VSNL1: variants seen among roughly 807,000 people sequenced by gnomAD.
VSNL1 encodes visinin like 1.
VSNL1 carries 6 observed loss-of-function variants against 20.4 expected under a neutral mutation model. The observed-to-expected ratio is 0.29, with a 90% CI of 0.16 to 0.58. The LOEUF is 0.58. VSNL1 is among the 20% of genes least tolerant of loss of function. The pLI is 0.90. For missense variants in VSNL1, 100 were observed against 234.5 expected, an observed-to-expected ratio of 0.43 and a Z score of 3.75; for synonymous variants, 93 against 86.4, an observed-to-expected ratio of 1.08 and a Z score of -0.42.
intron 2 of VSNL1, among the ~76,000 whole-genome samples, chr2:17,623,753 A>T (rs1463952431): frequency 6.6e-6 from 1 of 152,164 alleles, no homozygotes; most frequent in African/African-American, 2.4e-5. Flanking sequence ...TCATAGACTA[A>T]AGGCTGCTGG....
intron 2 of VSNL1, among the ~76,000 whole-genome samples, chr2:17,592,640 CTTTTTTTTTTTTT>C (rs55756596): frequency 0.018 from 1,256 of 70,854 alleles, 73 homozygotes; most frequent in African/African-American, 0.058. Flanking sequence ...CTCTCTCTCT[CTTTTTTTTTTTTT>C]TTTTTTTTTT....
rs1553299524 is a variant in VSNL1, at chr2:17,567,377, T to TA, written c.-5-24692dup. The TA allele has an allele frequency of 1.4e-4, 20 of 147,484 alleles. 1 individual carries two copies. The highest frequency in any genetic ancestry group is 4.8e-4 in the African/African-American group (19 of 39,718). 9.1% of individuals were successfully genotyped at this position (147,484 alleles called of 1,614,324 possible). A position where few individuals can be genotyped will look rare whatever the true frequency, so the allele number is the denominator to read the frequency against. ...ACTTTTTTTTTTTTTTTTTTTTTTTTAGAAGGAGTCTGCCTCTGTCGCCCA... is the reference window on the plus strand; with the variant it reads ...ACTTTTTTTTTTTTTTTTTTTTTTTTAAGAAGGAGTCTGCCTCTGTCGCCCA... On this transcript the variant is annotated intron_variant, in intron 1 of 3. Coordinates refer to ENST00000295156, the MANE Select transcript of VSNL1 (RefSeq NM_003385.5).
At chr2:17,623,587 G>T (rs999377923) in intron 2 of VSNL1, among the ~76,000 whole-genome samples, 73 of 149,966 alleles carry the variant, frequency 4.9e-4, no homozygotes, top group Admixed American at 9.3e-4. Context: ...GGAGAATGGC[G>T]TGAACCTGGG....
At chr2:17,552,447 C>CT (rs1663566288) in intron 1 of VSNL1, among the ~76,000 whole-genome samples, 1 of 152,060 alleles carries the variant, frequency 6.6e-6, no homozygotes, top group South Asian at 2.1e-4. Context: ...CTACACACGT[C>CT]TTTTTATTTT....
At chr2:17,612,286 G>A (rs1381331687) in intron 2 of VSNL1, among the ~76,000 whole-genome samples, 2 of 152,192 alleles carry the variant, frequency 1.3e-5, no homozygotes, top group Admixed American at 6.5e-5. Context: ...TGTGATTTCT[G>A]TGGCTTGTCT....
intron 2 of VSNL1, among the ~76,000 whole-genome samples, chr2:17,621,614 G>A (rs895539066): frequency 7.2e-5 from 11 of 152,012 alleles, no homozygotes; most frequent in Admixed American, 2.6e-4. Context: ...ATGAGCCACC[G>A]TGCCTCTACT....
chr2:17,566,125 T>C (rs1663933806), intron 1 of VSNL1, among the ~76,000 whole-genome samples: 1 of 152,238 alleles, frequency 6.6e-6, no homozygotes, highest in South Asian at 2.1e-4. Flanking sequence ...TATACAGCAG[T>C]ATTTCATCAT....
intron 1 of VSNL1, among the ~76,000 whole-genome samples, chr2:17,545,372 T>C (rs1246089897): frequency 6.6e-6 from 1 of 152,146 alleles, no homozygotes; most frequent in African/African-American, 2.4e-5. Flanking sequence ...TATTAATACC[T>C]CTAAGAGTGC....
At chr2:17,542,746 G>A (rs1304960823) in intron 1 of VSNL1, among the ~76,000 whole-genome samples, 1 of 152,080 alleles carries the variant, frequency 6.6e-6, no homozygotes, top group African/African-American at 2.4e-5. Context: ...GATAAAGAGG[G>A]GTGGTAGAGG....
intron 1 of VSNL1, among the ~76,000 whole-genome samples, chr2:17,544,266 T>G (rs1462058178): frequency 2.0e-5 from 3 of 152,070 alleles, no homozygotes; most frequent in Non-Finnish European, 4.4e-5. Flanking sequence ...AGAATTGGGA[T>G]GAGCTCTGTC....
At chr2:17,609,070 A>G (rs1665019712) in intron 2 of VSNL1, among the ~76,000 whole-genome samples, 1 of 152,074 alleles carries the variant, frequency 6.6e-6, no homozygotes, top group African/African-American at 2.4e-5. Flanking sequence ...TGTGACAGAG[A>G]CTCACATGGT....
At chr2:17,640,321 C>T (rs186915454) in intron 2 of VSNL1, among the ~76,000 whole-genome samples, 6 of 152,062 alleles carry the variant, frequency 3.9e-5, no homozygotes, top group South Asian at 2.1e-4. Context: ...ATCCTTTGCC[C>T]GAGACCAGGT....
chr2:17,578,776 C>T (rs1572343868), intron 1 of VSNL1, among the ~76,000 whole-genome samples: 1 of 152,252 alleles, frequency 6.6e-6, no homozygotes, highest in South Asian at 2.1e-4. Context: ...TGCTTTGTTC[C>T]AGCCTTGCTG....
At chr2:17,554,263 A>G (rs1401709) in intron 1 of VSNL1, among the ~76,000 whole-genome samples, 4 of 152,134 alleles carry the variant, frequency 2.6e-5, no homozygotes, top group Admixed American at 6.5e-5. Flanking sequence ...TGGAAACTCA[A>G]TGAGAGGTGA....
At chr2:17,571,564 C>A (rs1394010825) in intron 1 of VSNL1, among the ~76,000 whole-genome samples, 2 of 152,048 alleles carry the variant, frequency 1.3e-5, no homozygotes, top group Admixed American at 6.6e-5. Flanking sequence ...TAAAAATGAT[C>A]AAAAATTAAG....
Position 17,592,209 on chromosome 2 carries a change from C to A in VSNL1, c.135C>A (p.Leu45=). 1 of 1,613,648 alleles carries A rather than the reference C, an allele frequency of 6.2e-7. No individual in the cohort carries two copies. Among genetic ancestry groups the A allele is most frequent in the Non-Finnish European group, 8.5e-7 (1 of 1,179,732 alleles). Residue 45 remains leucine, a synonymous_variant, in exon 2 of 4, where the codon CTC becomes CTA. Coordinates refer to ENST00000295156, the MANE Select transcript of VSNL1 (RefSeq NM_003385.5). The stretch of plus-strand genomic sequence containing the variant: ...ACTGTCCAAGTGGGAGGCTAAATCT[C>A]GAGGAATTTCAGCAGCTCTATGTGA... ...LKDCPSGRLN[L]EEFQQLYVKF... is the part of the protein sequence containing the mutation.
At chr2:17,542,918 G>A (rs1663321691) in intron 1 of VSNL1, among the ~76,000 whole-genome samples, 1 of 152,212 alleles carries the variant, frequency 6.6e-6, no homozygotes, top group African/African-American at 2.4e-5. Flanking sequence ...AACCATGGAT[G>A]TAGAGAAAAG....
intron 1 of VSNL1, among the ~76,000 whole-genome samples, chr2:17,580,502 A>G (rs943657808): frequency 6.6e-6 from 1 of 152,202 alleles, no homozygotes; most frequent in Non-Finnish European, 1.5e-5. Context: ...TCATGGGACC[A>G]CACCTTTCCC....
chr2:17,548,100 G>A (rs544516038), intron 1 of VSNL1, among the ~76,000 whole-genome samples: 1 of 152,102 alleles, frequency 6.6e-6, no homozygotes, highest in African/African-American at 2.4e-5. Flanking sequence ...TCTCCTATGA[G>A]CTACTCTTTC....
Sources: allele counts gnomAD v4.1 joint callset (sites outside exome capture counted in the v4.1 genomes callset), GRCh38; gene constraint gnomAD v4.1.1; transcripts MANE v1.5; gene names NCBI Gene and HGNC (gene_info 2026-07-23, HGNC 2026-07-21).